The following EIF2AK4 variants were observed in gnomAD, a reference collection of about 807,000 sequenced individuals.
The protein encoded by EIF2AK4 is eIF-2-alpha kinase GCN2.
In EIF2AK4, 139 loss-of-function variants were observed where a neutral mutation model predicts 211.1. That is an observed-to-expected ratio of 0.66 (90% confidence interval 0.57 to 0.76). EIF2AK4 has a LOEUF of 0.76. Among genes scored for constraint, EIF2AK4 ranks in the 30% least tolerant of loss-of-function variants. The pLI, the probability that EIF2AK4 is intolerant of heterozygous loss-of-function variation, is 0.00. For synonymous variants in EIF2AK4, 710 were observed against 751.3 expected (o/e 0.94, Z 0.90); for missense variants, 1,664 against 2,043.8 (o/e 0.81, Z 3.58).
In EIF2AK4 at chr15:39,936,352, A is replaced by G. The variant is rs1383166925; in HGVS notation, c.144+2013A>G. ...AGGATGAATCAGAGTTTAGTCATTC[A>G]ACAAGCACTTATTATCACCTGCTAT... On this transcript the variant is annotated intron_variant, in intron 1 of 38. Coordinates refer to ENST00000263791, the MANE Select transcript of EIF2AK4 (RefSeq NM_001013703.4). Among the ~76,000 whole-genome samples the G allele has an allele frequency of 2.6e-5, 4 of 152,326 alleles. No homozygotes were observed. In the South Asian group the frequency reaches 8.3e-4, roughly 32 times the overall value.
At chr15:39,949,485 G>A (rs1479524042) in intron 4 of EIF2AK4, among the ~76,000 whole-genome samples, 1 of 152,106 alleles carries the variant, frequency 6.6e-6, no homozygotes, top group Non-Finnish European at 1.5e-5. Flanking sequence ...AGGTCTTAAA[G>A]AAATAGAAGA....
At chr15:40,011,028 T>A (rs986197310) in intron 26 of EIF2AK4, among the ~76,000 whole-genome samples, 3 of 152,232 alleles carry the variant, frequency 2.0e-5, no homozygotes, top group Non-Finnish European at 4.4e-5. Flanking sequence ...TTGGGTCACC[T>A]CACCATTCAG....
In EIF2AK4 at chr15:39,934,171, G is replaced by A. The variant is rs1228229052; in HGVS notation, c.-25G>A. On this transcript the variant is annotated 5_prime_UTR_variant, in exon 1 of 39. Coordinates refer to ENST00000263791, the MANE Select transcript of EIF2AK4 (RefSeq NM_001013703.4). ...GGCCCACCGCCGCCCAGGCAAGGCC[G>A]CCCTGCCTTGGGCGCAGCGCTGCCA... 10 of 1,403,242 alleles carry A rather than the reference G, an allele frequency of 7.1e-6. No homozygotes were observed. Among genetic ancestry groups the A allele is most frequent in the African/African-American group, 3.1e-5 (2 of 64,708 alleles). The allele number at this position is 1,403,242 out of a possible 1,614,324, so 86.9% of individuals were successfully genotyped here. A position where few individuals can be genotyped will look rare whatever the true frequency, so the allele number is the denominator to read the frequency against.
At chr15:40,028,999 C>A (rs1223711151) in intron 33 of EIF2AK4, among the ~76,000 whole-genome samples, 1 of 152,060 alleles carries the variant, frequency 6.6e-6, no homozygotes, top group Non-Finnish European at 1.5e-5. Context: ...TCTTTATTTA[C>A]CAAATGTTCT....
chr15:39,947,318 G>C (rs1437124636), intron 3 of EIF2AK4, among the ~76,000 whole-genome samples: 1 of 152,110 alleles, frequency 6.6e-6, no homozygotes, highest in Admixed American at 6.6e-5. Context: ...ACTGATACTT[G>C]CCTTTTAAAA....
At chr15:39,978,583 A>C (rs772565782) in intron 13 of EIF2AK4, among the ~76,000 whole-genome samples, 1 of 152,218 alleles carries the variant, frequency 6.6e-6, no homozygotes, top group Non-Finnish European at 1.5e-5. Flanking sequence ...CAGTGTTTTC[A>C]CACTGTGTAT....
chr15:39,993,202 G>A (rs911251242), intron 18 of EIF2AK4, among the ~76,000 whole-genome samples: 4 of 146,144 alleles, frequency 2.7e-5, no homozygotes, highest in Non-Finnish European at 3.0e-5. Flanking sequence ...CCGTCCGTCC[G>A]TCCATCCATC....
intron 6 of EIF2AK4, among the ~76,000 whole-genome samples, chr15:39,959,608 C>G (rs898065339): frequency 1.3e-5 from 2 of 152,180 alleles, no homozygotes; most frequent in African/African-American, 4.8e-5. Context: ...CTCCTTAAAA[C>G]CAAGCATTTA....
rs17848496 is a variant in EIF2AK4, at chr15:40,019,011, G to A, written c.4066-82G>A. 0.07 allele frequency: 69,539 copies of A among 992,898 alleles called. 3,802 individuals carry two copies. Among genetic ancestry groups the A allele is most frequent in the East Asian group, 0.3 (11,191 of 37,770 alleles). The allele number at this position is 992,898 out of a possible 1,614,324, so 61.5% of individuals were successfully genotyped here. A position where few individuals can be genotyped will look rare whatever the true frequency, so the allele number is the denominator to read the frequency against. ...TTTGATGATGAGCTGCTGACAGAGT[G>A]CTCACTCTTTAATCATTGTTTTCCC... On this transcript the variant is annotated intron_variant, in intron 29 of 38. Coordinates refer to ENST00000263791, the MANE Select transcript of EIF2AK4 (RefSeq NM_001013703.4).
chr15:39,990,500 T>A, intron 16 of EIF2AK4, 123 bp downstream of exon 16: 1 of 832,120 alleles, frequency 1.2e-6, no homozygotes, highest in Non-Finnish European at 1.9e-6. Context: ...CAGGAGATTA[T>A]ACAAACCTGA....
intron 30 of EIF2AK4, among the ~76,000 whole-genome samples, chr15:40,019,787 T>C (rs1230265191): frequency 6.6e-6 from 1 of 152,208 alleles, no homozygotes; most frequent in Non-Finnish European, 1.5e-5. Context: ...TAATTCATCC[T>C]TCCCTAGACT....
chr15:39,939,832 T>C (rs2034119986), intron 2 of EIF2AK4, among the ~76,000 whole-genome samples: 1 of 152,258 alleles, frequency 6.6e-6, no homozygotes, highest in African/African-American at 2.4e-5. Context: ...TCACTACAGA[T>C]ACTTATATTT....
chr15:39,967,760 A>G lies in EIF2AK4; in HGVS notation c.1434A>G (p.Lys478=), dbSNP rs780135626. 1 of 1,614,182 alleles carries G rather than the reference A, an allele frequency of 6.2e-7. No individual in the cohort carries two copies. Among genetic ancestry groups the G allele is most frequent in the East Asian group, 2.2e-5 (1 of 44,892 alleles). Residue 478 remains lysine (K), a synonymous_variant, in exon 9 of 39, where the codon AAA becomes AAG. Coordinates refer to ENST00000263791, the MANE Select transcript of EIF2AK4 (RefSeq NM_001013703.4). Reference sequence around the variant, plus strand: ...CTCTGCCTTATAAAACGGGGAAGAAAGGAGATGTTTGGCGTCTTGGCCTTC... The same window carrying G: ...CTCTGCCTTATAAAACGGGGAAGAAGGGAGATGTTTGGCGTCTTGGCCTTC... ...DNALPYKTGK[K]GDVWRLGLLL... is the part of the protein sequence containing the mutation.
chr15:39,952,529 A>G (rs1404745890), intron 4 of EIF2AK4, among the ~76,000 whole-genome samples: 2 of 151,306 alleles, frequency 1.3e-5, no homozygotes, highest in African/African-American at 2.4e-5. Context: ...TCTGGCCTCA[A>G]CCTCTCAAAG....
At chr15:40,025,302 T>C (rs147277645) in intron 32 of EIF2AK4, among the ~76,000 whole-genome samples, 4 of 152,366 alleles carry the variant, frequency 2.6e-5, no homozygotes, top group Non-Finnish European at 4.4e-5. Context: ...TTAGCAGTTA[T>C]TGGGGAGGCC....
intron 2 of EIF2AK4, among the ~76,000 whole-genome samples, chr15:39,943,029 ATT>A (rs201242569): frequency 2.7e-5 from 4 of 146,650 alleles, no homozygotes; most frequent in East Asian, 2.0e-4. Flanking sequence ...AACTGGAATG[ATT>A]TTTTTTTTTT....
intron 23 of EIF2AK4, 49 bp from the exon 24 acceptor site, chr15:40,006,967 C>T: frequency 6.9e-7 from 1 of 1,440,760 alleles, no homozygotes; most frequent in Non-Finnish European, 9.7e-7. Flanking sequence ...CCGCTATTAA[C>T]AAAAGGCACA....
At chr15:40,020,630 A>T (rs570384745) in intron 30 of EIF2AK4, 13 of 179,192 alleles carry the variant, frequency 7.3e-5, no homozygotes, top group African/African-American at 3.1e-4. Context: ...CGGAGGTTAC[A>T]GTGAGCGGAG....
intron 23 of EIF2AK4, among the ~76,000 whole-genome samples, chr15:40,006,331 G>T (rs1471915575): frequency 6.6e-6 from 1 of 151,996 alleles, no homozygotes; most frequent in African/African-American, 2.4e-5. Context: ...AAGAATAGAA[G>T]TACAAATATT....
Sources: allele counts gnomAD v4.1 joint callset (sites outside exome capture counted in the v4.1 genomes callset), GRCh38; gene constraint gnomAD v4.1.1; transcripts MANE v1.5; gene names NCBI Gene and HGNC (gene_info 2026-07-23, HGNC 2026-07-21).